The following AHI1 variants were observed in gnomAD, a reference collection of about 807,000 sequenced individuals.
The protein encoded by AHI1 is jouberin.
Under a neutral mutation model 149.3 loss-of-function variants are expected in AHI1, and 123 were observed. The ratio of observed to expected loss-of-function variants is 0.82; its 90% CI spans 0.71 to 0.96. AHI1 has a LOEUF of 0.96. Among genes scored for constraint, AHI1 ranks in the 40% least tolerant of loss-of-function variants. The pLI is 0.00. For missense variants in AHI1, 1,439 were observed against 1,422.7 expected, an observed-to-expected ratio of 1.01 and a Z score of -0.18; for synonymous variants, 475 against 459.8, an observed-to-expected ratio of 1.03 and a Z score of -0.42.
Position 135,376,207 on chromosome 6 carries a change from T to C in AHI1, c.3110-18020A>G, listed in dbSNP as rs149082079. ...TATCCTCAGCCCACTACAATAATTA[T>C]TTCAGGCTAGGATCATCAATGGACA... On this transcript the variant is annotated intron_variant, in intron 23 of 28. Transcript: ENST00000265602. Among the ~76,000 whole-genome samples the C allele has an allele frequency of 6.8e-3, 1,031 of 152,188 alleles. 12 individuals are homozygous for C. Among genetic ancestry groups the C allele is most frequent in the African/African-American group, 0.023 (971 of 41,506 alleles).
chr6:135,489,868 G>T, intron 5 of AHI1: 1 of 226,164 alleles, frequency 4.4e-6, no homozygotes, highest in Non-Finnish European at 8.1e-6. Flanking sequence ...CAAAATGTAG[G>T]ATTATAACTC....
intron 12 of AHI1, 72 bp downstream of exon 12, chr6:135,448,218 T>C (rs1787540136): frequency 2.7e-6 from 3 of 1,123,744 alleles, no homozygotes; most frequent in Admixed American, 3.2e-5. Flanking sequence ...TTTTTAGAAA[T>C]GAAAAACATG....
chr6:135,371,265 C>A (rs1032291952), intron 23 of AHI1, among the ~76,000 whole-genome samples: 2 of 152,154 alleles, frequency 1.3e-5, no homozygotes, highest in African/African-American at 4.8e-5. Flanking sequence ...CTCTCTAAAT[C>A]CTTGTATATC....
At chr6:135,362,794 G>T (rs567353338) in intron 23 of AHI1, among the ~76,000 whole-genome samples, 2 of 152,070 alleles carry the variant, frequency 1.3e-5, no homozygotes, top group Non-Finnish European at 2.9e-5. Context: ...ACTTTGAGAA[G>T]ATTTTCTCCC....
At chr6:135,331,739 T>G (rs1452223124) in intron 24 of AHI1, among the ~76,000 whole-genome samples, 1 of 152,204 alleles carries the variant, frequency 6.6e-6, no homozygotes, top group African/African-American at 2.4e-5. Context: ...CTTGAGCACT[T>G]TTTCCTTCAG....
In AHI1 at chr6:135,466,345, T is replaced by C. The variant is rs774837419; in HGVS notation, c.218A>G (p.His73Arg). The change falls in exon 7 of 29, where the codon CAT becomes CGT. Residue 73 changes from histidine to arginine, a missense_variant. His to Arg is a conservative substitution (Grantham distance 29). Coordinates refer to ENST00000265602, the MANE Select transcript of AHI1 (RefSeq NM_001134831.2). ...ATCATCACTTGTAGTTTCTTTAATATGGGGAAGATTGCTTCTAATAGTGTC... is the reference window on the plus strand; with the variant it reads ...ATCATCACTTGTAGTTTCTTTAATACGGGGAAGATTGCTTCTAATAGTGTC... ...DPDTIRSNLP[H>R]IKETTSDDVS... The C allele has an allele frequency of 6.2e-7, 1 of 1,613,798 alleles. No individual in the cohort carries two copies. Among genetic ancestry groups the C allele is most frequent in the Non-Finnish European group, 8.5e-7 (1 of 1,179,808 alleles).
chr6:135,329,785 TTC>T (rs1387910136), intron 24 of AHI1, among the ~76,000 whole-genome samples: 22 of 152,244 alleles, frequency 1.4e-4, no homozygotes, highest in Admixed American at 1.4e-3. Flanking sequence ...GGATGCACTA[TTC>T]TAGATGACAT....
At chr6:135,394,996 C>A in intron 22 of AHI1, 100 bp from the exon 23 acceptor site, 1 of 1,218,024 alleles carries the variant, frequency 8.2e-7, no homozygotes, top group South Asian at 1.5e-5. Context: ...AACCAGGACA[C>A]ATGATAGGTC....
At chr6:135,417,805 A>C (rs1782599883) in intron 20 of AHI1, among the ~76,000 whole-genome samples, 1 of 152,024 alleles carries the variant, frequency 6.6e-6, no homozygotes, top group Admixed American at 6.6e-5. Context: ...CAGATACTAG[A>C]AACAGAAGCC....
In AHI1 at chr6:135,466,175, T is replaced by A. The variant is rs376751417; in HGVS notation, c.388A>T (p.Ile130Leu). Reference protein sequence around the residue: ...DKQGKPNKKVIKTVPQLTTQD... With the variant: ...DKQGKPNKKVLKTVPQLTTQD... ...GTAGTCAACTGGGGCACCGTCTTTA[T>A]CACCTTTTTATTTGGCTTTCCTTGT... is the stretch of plus-strand genomic sequence containing the variant. Residue 130 changes from isoleucine (I) to leucine (L), a missense_variant, in exon 7 of 29, where the codon ATA (isoleucine) becomes TTA (leucine). Ile to Leu is a conservative substitution (Grantham distance 5, BLOSUM62 2). Coordinates refer to ENST00000265602, the MANE Select transcript of AHI1 (RefSeq NM_001134831.2). 3.1e-6 allele frequency: 5 copies of A among 1,613,978 alleles called. No homozygotes were observed. The African/African-American group carries it at 5.3e-5, about 17-fold the overall frequency.
At chr6:135,409,275 A>T (rs1176000118) in intron 21 of AHI1, among the ~76,000 whole-genome samples, 1 of 152,132 alleles carries the variant, frequency 6.6e-6, no homozygotes, top group African/African-American at 2.4e-5. Context: ...ACACATCCTT[A>T]TATTTTTAAA....
chr6:135,322,970 A>G (rs1430082018), intron 25 of AHI1, among the ~76,000 whole-genome samples, 192 bp downstream of exon 25: 1 of 152,192 alleles, frequency 6.6e-6, no homozygotes, highest in Non-Finnish European at 1.5e-5. Flanking sequence ...TTCCAATCTC[A>G]GAATGGAGCA....
intron 24 of AHI1, among the ~76,000 whole-genome samples, chr6:135,355,165 T>C (rs915494817): frequency 1.3e-5 from 2 of 152,084 alleles, no homozygotes; most frequent in Admixed American, 6.5e-5. Flanking sequence ...GAAGAACAAC[T>C]AGAAAATGTA....
chr6:135,446,028 C>T (rs562899192), intron 13 of AHI1, among the ~76,000 whole-genome samples: 1 of 151,864 alleles, frequency 6.6e-6, no homozygotes. Context: ...TGCACTCCAG[C>T]CTGGGCGACA....
intron 23 of AHI1, among the ~76,000 whole-genome samples, chr6:135,367,854 TCAGAG>T (rs1196350466): frequency 6.6e-6 from 1 of 152,204 alleles, no homozygotes; most frequent in East Asian, 1.9e-4. Flanking sequence ...TTCTGGCAAT[TCAGAG>T]ATTTCTTCTT....
At chr6:135,326,723 G>A (rs1029258503) in intron 24 of AHI1, among the ~76,000 whole-genome samples, 1 of 151,788 alleles carries the variant, frequency 6.6e-6, no homozygotes, top group Admixed American at 6.6e-5. Context: ...ACCATGCTCA[G>A]CCAATTTTTG....
At chr6:135,303,702 C>G (rs1009508797) in intron 26 of AHI1, among the ~76,000 whole-genome samples, 1 of 152,138 alleles carries the variant, frequency 6.6e-6, no homozygotes, top group Non-Finnish European at 1.5e-5. Flanking sequence ...TAGTGTTTTT[C>G]AAACTGATTT....
intron 27 of AHI1, among the ~76,000 whole-genome samples, chr6:135,296,786 C>T (rs563052581): frequency 6.6e-6 from 1 of 152,178 alleles, no homozygotes; most frequent in Non-Finnish European, 1.5e-5. Flanking sequence ...AATGTTAGCT[C>T]CTTATAGCAG....
At chr6:135,426,532 C>T (rs1256847756) in intron 20 of AHI1, among the ~76,000 whole-genome samples, 1 of 151,354 alleles carries the variant, frequency 6.6e-6, no homozygotes, top group Non-Finnish European at 1.5e-5. Flanking sequence ...TTGTACAATA[C>T]TATATGAAGA....
Sources: gnomAD v4.1 joint callset for allele counts (sites outside exome capture counted in the v4.1 genomes callset) on GRCh38, gnomAD v4.1.1 for gene constraint, MANE v1.5 for transcripts, NCBI Gene and HGNC (gene_info 2026-07-23, HGNC 2026-07-21) for gene names.